The following HERC4 variants were observed in gnomAD, a reference collection of about 807,000 sequenced individuals.
The protein encoded by HERC4 is HECT and RLD domain containing E3 ubiquitin protein ligase 4.
A neutral mutation model predicts 124.3 loss-of-function variants in HERC4; 28 were observed. The ratio of observed to expected loss-of-function variants is 0.23; its 90% CI spans 0.17 to 0.31. The LOEUF (loss-of-function observed/expected upper bound fraction) is 0.31, where lower values mean the gene tolerates loss of function less well. Among genes scored for constraint, HERC4 ranks in the 10% least tolerant of loss-of-function variants. The pLI, the probability that HERC4 is intolerant of heterozygous loss-of-function variation, is 1.00. For synonymous variants in HERC4, 407 were observed against 421.5 expected (o/e 0.97, Z 0.42); for missense variants, 713 against 1,229.3 (o/e 0.58, Z 6.28).
intron 11 of HERC4, among the ~76,000 whole-genome samples, chr10:67,991,984 G>GA (rs1157895154): frequency 7.9e-5 from 12 of 151,864 alleles, no homozygotes; most frequent in African/African-American, 2.9e-4. Context: ...CTGCAGCCTC[G>GA]ACCTCCTGGG....
Position 67,982,121 on chromosome 10 carries a change from T to C in HERC4, c.1806+6542A>G, listed in dbSNP as rs142719113. On this transcript the variant is annotated intron_variant, in intron 15 of 24. Transcript: ENST00000373700. ...AGAAATAGGAAACACAATCCTAAAA[T>C]TTACACAGAACCACAAAAGACCCAG... Among the ~76,000 whole-genome samples, 113 of 152,200 alleles carry C rather than the reference T, an allele frequency of 7.4e-4. 1 individual carries two copies. Among genetic ancestry groups the C allele is most frequent in the African/African-American group, 2.4e-3 (100 of 41,528 alleles).
chr10:67,948,033 A>C (rs1324954061), intron 19 of HERC4, among the ~76,000 whole-genome samples: 1 of 152,090 alleles, frequency 6.6e-6, no homozygotes, highest in African/African-American at 2.4e-5. Context: ...AGAAGAAATC[A>C]CAAGGGAAAT....
Position 68,010,452 on chromosome 10 carries a change from C to T in HERC4, c.1069+3574G>A, listed in dbSNP as rs569954850. 2.0e-5 allele frequency: 19 copies of T among 938,718 alleles called. No individual in the cohort carries two copies. In the East Asian group the frequency reaches 4.7e-4, roughly 23 times the overall value. The allele number at this position is 938,718 out of a possible 1,614,324, so 58.1% of individuals were successfully genotyped here. A position where few individuals can be genotyped will look rare whatever the true frequency, so the allele number is the denominator to read the frequency against. ...GCTTGATTGCTTGCCCTTCTGGCGC[C>T]AATTACAGAACCACACTCGGATCAC... is the stretch of plus-strand genomic sequence containing the variant. On this transcript the variant is annotated intron_variant, in intron 9 of 24. Coordinates refer to ENST00000373700, the MANE Select transcript of HERC4 (RefSeq NM_015601.4).
At chr10:67,931,551 A>G (rs1224489755) in intron 23 of HERC4, among the ~76,000 whole-genome samples, 1 of 151,712 alleles carries the variant, frequency 6.6e-6, no homozygotes, top group Non-Finnish European at 1.5e-5. Flanking sequence ...CAGCCTCCCA[A>G]GTAGCTGGGA....
At chr10:67,958,723 AGTTT>A (rs1365821700) in intron 16 of HERC4, among the ~76,000 whole-genome samples, 2 of 152,206 alleles carry the variant, frequency 1.3e-5, no homozygotes, top group Admixed American at 1.3e-4. Flanking sequence ...TTAAAAATGA[AGTTT>A]GTTTTACTTC....
chr10:68,063,408 C>CT (rs2041134871), intron 3 of HERC4, among the ~76,000 whole-genome samples: 1 of 152,044 alleles, frequency 6.6e-6, no homozygotes. Flanking sequence ...CGGGGTCTCA[C>CT]TACACAGGCC....
chr10:68,000,292 T>G (rs1013061091), intron 9 of HERC4, among the ~76,000 whole-genome samples: 1 of 152,070 alleles, frequency 6.6e-6, no homozygotes, highest in Non-Finnish European at 1.5e-5. Context: ...AAACTTTGTA[T>G]ATTGGGCAAG....
chr10:68,033,901 G>C (rs2039334398), intron 6 of HERC4, 64 bp downstream of exon 6: 2 of 1,308,188 alleles, frequency 1.5e-6, no homozygotes, highest in African/African-American at 2.9e-5. Context: ...AAGAATCACT[G>C]ATCTAACTCA....
chr10:68,001,569 A>T (rs910092491), intron 9 of HERC4, among the ~76,000 whole-genome samples: 17 of 152,148 alleles, frequency 1.1e-4, no homozygotes, highest in Admixed American at 2.0e-4. Context: ...TTTTTACACA[A>T]TTTTTTATCA....
At chr10:68,020,929 A>C (rs2038585372) in intron 8 of HERC4, among the ~76,000 whole-genome samples, 1 of 152,154 alleles carries the variant, frequency 6.6e-6, no homozygotes, top group Non-Finnish European at 1.5e-5. Context: ...AAAATCTTAA[A>C]AAAAGTGCAG....
intron 14 of HERC4, among the ~76,000 whole-genome samples, chr10:67,989,063 G>A (rs1254851106): frequency 3.3e-5 from 5 of 151,914 alleles, no homozygotes; most frequent in Non-Finnish European, 7.4e-5. Flanking sequence ...AATAAAGTGT[G>A]AAAGTCTTGT....
At chr10:67,980,665 AT>A (rs1401639312) in intron 15 of HERC4, among the ~76,000 whole-genome samples, 2 of 152,246 alleles carry the variant, frequency 1.3e-5, no homozygotes, top group Non-Finnish European at 2.9e-5. Flanking sequence ...ACTATAAACA[AT>A]TAACCAATCA....
At position 67,941,090 on chromosome 10, in the gene HERC4, C is replaced by T. The variant is rs764437252; in HGVS notation, c.2353G>A (p.Asp785Asn). Residue 785 changes from aspartate to asparagine, a missense_variant, in exon 20 of 25, where the codon GAT becomes AAT. Coordinates refer to ENST00000373700, the MANE Select transcript of HERC4 (RefSeq NM_015601.4). Reference protein sequence around the residue: ...WFSDKTFEDSDLFHLIGVICG... With the variant: ...WFSDKTFEDSNLFHLIGVICG... Reference sequence around the variant, plus strand: ...ATAACACCAATCAAATGGAACAAATCACTGTCTTCAAATGTCTAAAAATAT... The same window carrying T: ...ATAACACCAATCAAATGGAACAAATTACTGTCTTCAAATGTCTAAAAATAT... 1.3e-6 allele frequency: 2 copies of T among 1,578,760 alleles called. No individual in the cohort carries two copies. Among genetic ancestry groups the T allele is most frequent in the Middle Eastern group, 1.7e-4 (1 of 5,990 alleles).
intron 15 of HERC4, among the ~76,000 whole-genome samples, chr10:67,971,093 G>C (rs1410304173): frequency 6.6e-6 from 1 of 151,880 alleles, no homozygotes; most frequent in Non-Finnish European, 1.5e-5. Flanking sequence ...AACTGACTCA[G>C]GAAGAAACAG....
chr10:67,956,983 A>T lies in HERC4; in HGVS notation c.1927-7T>A. On this transcript the variant is annotated splice_polypyrimidine_tract_variant and splice_region_variant and intron_variant, in intron 16 of 24. Transcript: ENST00000373700. ...TAACAGGGATATCTGCCAACTGGAA[A>T]TAAAAAATTAACTTATTAGTACAAG... is the stretch of plus-strand genomic sequence containing the variant. 6.6e-7 allele frequency: 1 copy of T among 1,514,878 alleles called. No homozygotes were observed. Among genetic ancestry groups the T allele is most frequent in the Middle Eastern group, 1.8e-4 (1 of 5,688 alleles). The allele number at this position is 1,514,878 out of a possible 1,614,324, so 93.8% of individuals were successfully genotyped here.
chr10:67,952,879 G>A (rs999853680), intron 19 of HERC4, among the ~76,000 whole-genome samples: 5 of 150,324 alleles, frequency 3.3e-5, no homozygotes, highest in South Asian at 2.1e-4. Context: ...CAGCCTGGGC[G>A]ACAGAGGGAG....
intron 3 of HERC4, among the ~76,000 whole-genome samples, chr10:68,072,650 T>C (rs183958235): frequency 7.2e-5 from 11 of 152,154 alleles, no homozygotes; most frequent in African/African-American, 2.6e-4. Context: ...CTTTATTGTT[T>C]TATATCGTCA....
chr10:67,981,118 A>C (rs1190601698), intron 15 of HERC4, among the ~76,000 whole-genome samples: 1 of 152,222 alleles, frequency 6.6e-6, no homozygotes, highest in Non-Finnish European at 1.5e-5. Flanking sequence ...TGAATAGAAA[A>C]ATAAGACCAA....
At chr10:67,933,475 A>G (rs574331432) in intron 22 of HERC4, among the ~76,000 whole-genome samples, 31 of 152,296 alleles carry the variant, frequency 2.0e-4, no homozygotes, top group African/African-American at 9.6e-5. Flanking sequence ...TGCTAGCCAC[A>G]ACATTTTATG....
Sources: allele counts gnomAD v4.1 joint callset (sites outside exome capture counted in the v4.1 genomes callset), GRCh38; gene constraint gnomAD v4.1.1; transcripts MANE v1.5; gene names NCBI Gene and HGNC (gene_info 2026-07-23, HGNC 2026-07-21).